The following GRSF1 variants were observed in gnomAD, a reference collection of about 807,000 sequenced individuals.
GRSF1 encodes G-rich RNA sequence binding factor 1.
In GRSF1, 50 loss-of-function variants were observed where a neutral mutation model predicts 51.1. That is an observed-to-expected ratio of 0.98 (90% CI 0.78 to 1.24). The LOEUF (loss-of-function observed/expected upper bound fraction) is 1.24, where lower values mean the gene tolerates loss of function less well. Among genes scored for constraint, GRSF1 ranks in the 50% most tolerant of loss-of-function variants. The pLI is 0.00. For missense variants in GRSF1, 700 were observed against 639.7 expected, an observed-to-expected ratio of 1.09 and a Z score of -1.02; for synonymous variants, 293 against 253.3, an observed-to-expected ratio of 1.16 and a Z score of -1.49.
chr4:70,835,459 AT>A (rs1182553045), intron 2 of GRSF1, among the ~76,000 whole-genome samples: 2,082 of 131,112 alleles, frequency 0.016, 71 homozygotes, highest in African/African-American at 0.052. Flanking sequence ...AGTATGATGG[AT>A]TTTTTTTTTT....
rs1366216979 is a variant in GRSF1, at chr4:70,839,615, CACAGGCCCGGTCT to C, written c.200_212del (p.Gln67ArgfsTer72). The C allele has an allele frequency of 5.7e-6, 8 of 1,410,654 alleles. No individual in the cohort carries two copies. The highest frequency in any genetic ancestry group is 6.4e-6 in the Non-Finnish European group (7 of 1,090,630). The allele number at this position is 1,410,654 out of a possible 1,614,324, so 87.4% of individuals were successfully genotyped here. ...GAGGCCCCGCCAGCCTCCCGGGAGGCACAGGCCCGGTCTGGAGGCCACGCGTCTGGGAGGCAGC... is the reference window on the plus strand; with the variant it reads ...GAGGCCCCGCCAGCCTCCCGGGAGGCGGAGGCCACGCGTCTGGGAGGCAGC... On this transcript the variant is annotated frameshift_variant, in exon 1 of 10. Transcript: ENST00000254799. LOFTEE classifies it high-confidence loss of function.
At chr4:70,836,114 T>C (rs1339764006) in intron 2 of GRSF1, 44 bp downstream of exon 2, 11 of 1,168,644 alleles carry the variant, frequency 9.4e-6, no homozygotes, top group Non-Finnish European at 1.1e-5. Context: ...TGAGAAACAA[T>C]ATAAGGAAAA....
At position 70,826,228 on chromosome 4, in the gene GRSF1, G is replaced by A. The variant is rs1365224382; in HGVS notation, c.1153C>T (p.Pro385Ser). 5.6e-6 allele frequency: 9 copies of A among 1,609,828 alleles called. No homozygotes were observed. Among genetic ancestry groups the A allele is most frequent in the Non-Finnish European group, 6.8e-6 (8 of 1,178,048 alleles). Residue 385 changes from proline (P) to serine (S), a missense_variant, in exon 7 of 10, where the codon CCA (proline) becomes TCA (serine). Coordinates refer to ENST00000254799, the MANE Select transcript of GRSF1 (RefSeq NM_002092.4). Reference protein sequence around the residue: ...EKEIELPKEVPEKLPEAADFG... With the variant: ...EKEIELPKEVSEKLPEAADFG... ...TCAGCAGCCTCTGGAAGCTTTTCTG[G>A]CACCTCCTTAGGCAATTCTGAGAGG...
intron 6 of GRSF1, among the ~76,000 whole-genome samples, chr4:70,827,498 C>A (rs1733782708): frequency 6.6e-6 from 1 of 152,036 alleles, no homozygotes; most frequent in Non-Finnish European, 1.5e-5. Flanking sequence ...CCTATTAAAT[C>A]TTTAGGCCGG....
chr4:70,842,671 A>C (rs1042621227), upstream of GRSF1, among the ~76,000 whole-genome samples: 7 of 152,116 alleles, frequency 4.6e-5, no homozygotes, highest in African/African-American at 1.7e-4. Context: ...GATCATCACT[A>C]CAAATAACAG....
intron 1 of GRSF1, among the ~76,000 whole-genome samples, chr4:70,837,209 TTAGTAAGAATCC>T (rs1002238013): frequency 6.6e-6 from 1 of 152,082 alleles, no homozygotes; most frequent in African/African-American, 2.4e-5. Context: ...AAACTGGAAT[TTAGTAAGAATCC>T]ACGAAGCACT....
intron 9 of GRSF1, among the ~76,000 whole-genome samples, chr4:70,822,540 G>C (rs1733559527): frequency 6.7e-6 from 1 of 149,036 alleles, no homozygotes; most frequent in Non-Finnish European, 1.5e-5. Flanking sequence ...CTGAGATTGT[G>C]CCACTGCACT....
Position 70,815,861 on chromosome 4 carries a change from C to G in GRSF1, c.*5026G>C, listed in dbSNP as rs1028972751. On this transcript the variant is annotated 3_prime_UTR_variant, in exon 10 of 10. Coordinates refer to ENST00000254799, the MANE Select transcript of GRSF1 (RefSeq NM_002092.4). ...CATTGTTCACCAGTTAGTTGTTCAC[C>G]TAACAGGTGAAACGTTAAAATGTGG... is the stretch of plus-strand genomic sequence containing the variant. 1.3e-5 allele frequency: 2 copies of G among 152,166 alleles called. No individual in the cohort carries two copies. Among genetic ancestry groups the G allele is most frequent in the Non-Finnish European group, 2.9e-5 (2 of 68,046 alleles). 9.4% of individuals were successfully genotyped at this position (152,166 alleles called of 1,614,324 possible).
Position 70,817,838 on chromosome 4 carries a change from C to T in GRSF1, c.*3049G>A, listed in dbSNP as rs983080026. 85 of 152,184 alleles carry T rather than the reference C, an allele frequency of 5.6e-4. No individual in the cohort carries two copies. The highest frequency in any genetic ancestry group is 2.0e-3 in the African/African-American group (83 of 41,452). The allele number at this position is 152,184 out of a possible 1,614,324, so 9.4% of individuals were successfully genotyped here. A position where few individuals can be genotyped will look rare whatever the true frequency, so the allele number is the denominator to read the frequency against. On this transcript the variant is annotated 3_prime_UTR_variant, in exon 10 of 10. Transcript: ENST00000254799. ...TGTTTATAGCAGCTTTATTCCCTTCCTACAAACTTCAGATTCTCTTCTAAT... is the reference window on the plus strand; with the variant it reads ...TGTTTATAGCAGCTTTATTCCCTTCTTACAAACTTCAGATTCTCTTCTAAT...
chr4:70,833,020 T>C, intron 3 of GRSF1, 98 bp downstream of exon 3: 1 of 1,057,294 alleles, frequency 9.5e-7, no homozygotes, highest in Non-Finnish European at 1.4e-6. Context: ...ATTCATACAA[T>C]CTAAATACTT....
In GRSF1 at chr4:70,825,399, G is replaced by C. The variant is rs1238151327; in HGVS notation, c.1290C>G (p.Thr430=). 2 of 1,611,366 alleles carry C rather than the reference G, an allele frequency of 1.2e-6. No homozygotes were observed. The highest frequency in any genetic ancestry group is 1.7e-6 in the Non-Finnish European group (2 of 1,178,386). Residue 430 remains threonine (T), a synonymous_variant, in exon 8 of 10, where the codon ACC becomes ACG. Transcript: ENST00000254799. ...FFAPLKPVRI[T]MEYSSSGKAT... Reference sequence around the variant, plus strand: ...CCTTCCCACTGGAGCTGTATTCCATGGTGATTCTAACAGGCTTGAGTGGAG... The same window carrying C: ...CCTTCCCACTGGAGCTGTATTCCATCGTGATTCTAACAGGCTTGAGTGGAG...
At chr4:70,832,241 G>A in intron 4 of GRSF1, 66 bp downstream of exon 4, 1 of 1,371,410 alleles carries the variant, frequency 7.3e-7, no homozygotes, top group Non-Finnish European at 1.0e-6. Flanking sequence ...GCTCATCTAA[G>A]ATATAGAAGG....
intron 6 of GRSF1, among the ~76,000 whole-genome samples, chr4:70,827,279 C>T (rs1345696036): frequency 1.0e-5 from 1 of 98,442 alleles, no homozygotes; most frequent in Non-Finnish European, 2.3e-5. Context: ...CAGAGTGAAA[C>T]TCTGTCTCAA....
At chr4:70,836,685 AATACG>A (rs1734226806) in intron 1 of GRSF1, among the ~76,000 whole-genome samples, 1 of 152,192 alleles carries the variant, frequency 6.6e-6, no homozygotes, top group Non-Finnish European at 1.5e-5. Flanking sequence ...AGCTATCTAG[AATACG>A]ATAAGCATAC....
rs1476736641 is a variant in GRSF1, at chr4:70,839,519, C to T, written c.309G>A (p.Pro103=). ...CGGCGGCCGCCGCCGCCAGCGACTG[C>T]GGCAGCAGAGAGGCACGGAGGGCAG... The part of the protein sequence containing the change: ...SYSALRASLL[P]QSLAAAAAVP... The change falls in exon 1 of 10, where the codon CCG becomes CCA. Residue 103 remains proline, a synonymous_variant. Coordinates refer to ENST00000254799, the MANE Select transcript of GRSF1 (RefSeq NM_002092.4). The T allele has an allele frequency of 4.2e-6, 6 of 1,441,030 alleles. No homozygotes were observed. The highest frequency in any genetic ancestry group is 5.4e-6 in the Non-Finnish European group (6 of 1,103,740). 89.3% of individuals were successfully genotyped at this position (1,441,030 alleles called of 1,614,324 possible).
chr4:70,840,734 G>T (rs1458758977), upstream of GRSF1, among the ~76,000 whole-genome samples: 1 of 152,188 alleles, frequency 6.6e-6, no homozygotes, highest in Non-Finnish European at 1.5e-5. Context: ...CCGCACTGCA[G>T]CCTGGGCGAC....
chr4:70,839,848 G>A lies in GRSF1; in HGVS notation c.-21C>T, dbSNP rs1184136698. 2.0e-6 allele frequency: 3 copies of A among 1,469,408 alleles called. No homozygotes were observed. Among genetic ancestry groups the A allele is most frequent in the East Asian group, 2.9e-5 (1 of 34,976 alleles). The allele number at this position is 1,469,408 out of a possible 1,614,324, so 91.0% of individuals were successfully genotyped here. A position where few individuals can be genotyped will look rare whatever the true frequency, so the allele number is the denominator to read the frequency against. On this transcript the variant is annotated 5_prime_UTR_variant, in exon 1 of 10. Transcript: ENST00000254799. ...GCCATGGACTCCGGAGGCGGCGCAG[G>A]GCCTGAAGGCAGCTGCTCCAGCAGC...
At position 70,820,594 on chromosome 4, in the gene GRSF1, AAAC is replaced by A. The variant is rs1405869445; in HGVS notation, c.*290_*292del. On this transcript the variant is annotated 3_prime_UTR_variant, in exon 10 of 10. Transcript: ENST00000254799. ...ACAATGAGTAACATATCATCTATGA[AAAC>A]AAACCATTTAATCATATAAAACAAA... The A allele has an allele frequency of 6.6e-6, 1 of 152,368 alleles. No individual in the cohort carries two copies. The highest frequency in any genetic ancestry group is 1.5e-5 in the Non-Finnish European group (1 of 68,046). The allele number at this position is 152,368 out of a possible 1,614,324, so 9.4% of individuals were successfully genotyped here.
intron 9 of GRSF1, among the ~76,000 whole-genome samples, chr4:70,823,458 A>T (rs1185275304): frequency 7.2e-6 from 1 of 139,424 alleles, no homozygotes; most frequent in African/African-American, 2.6e-5. Flanking sequence ...ATCATAATTA[A>T]TTCTATTTCC....
Sources: allele counts gnomAD v4.1 joint callset (sites outside exome capture counted in the v4.1 genomes callset), GRCh38; gene constraint gnomAD v4.1.1; transcripts MANE v1.5; gene names NCBI Gene and HGNC (gene_info 2026-07-23, HGNC 2026-07-21).